The following CSMD1 variants were observed in gnomAD, a reference collection of about 807,000 sequenced individuals.
The protein encoded by CSMD1 is CUB and sushi domain-containing protein 1.
In CSMD1, 213 loss-of-function variants were observed where a neutral mutation model predicts 417.5. The observed-to-expected ratio is 0.51, with a 90% CI of 0.46 to 0.57. The LOEUF (loss-of-function observed/expected upper bound fraction) is 0.57, where lower values mean the gene tolerates loss of function less well. Ranked by LOEUF, CSMD1 falls within the 20% of genes least tolerant of loss-of-function variation. The probability of loss-of-function intolerance (pLI) is 0.00; values close to 1 mark genes in which losing one functional copy is unlikely to be tolerated. For synonymous variants in CSMD1, 2,862 were observed against 1,736.8 expected (o/e 1.65, Z -16.11); for missense variants, 6,923 against 4,529.7 (o/e 1.53, Z -15.17).
chr8:4,866,054 A>G (rs914315443), intron 1 of CSMD1, among the ~76,000 whole-genome samples: 1 of 151,816 alleles, frequency 6.6e-6, no homozygotes, highest in South Asian at 2.1e-4. Flanking sequence ...AGTTTTTGAC[A>G]CCTTAATGGT....
At chr8:3,774,783 G>T (rs993558308) in intron 5 of CSMD1, among the ~76,000 whole-genome samples, 1 of 152,190 alleles carries the variant, frequency 6.6e-6, no homozygotes, top group African/African-American at 2.4e-5. Context: ...GGATGACACA[G>T]TGTCCGTTTT....
chr8:3,302,821 T>C (rs150263477), intron 25 of CSMD1, among the ~76,000 whole-genome samples: 43 of 152,326 alleles, frequency 2.8e-4, no homozygotes, highest in African/African-American at 9.9e-4. Context: ...GTGAGTGGTA[T>C]GGTTGGGAGC....
intron 5 of CSMD1, among the ~76,000 whole-genome samples, chr8:3,873,102 G>A (rs1805590806): frequency 6.6e-6 from 1 of 152,116 alleles, no homozygotes; most frequent in South Asian, 2.1e-4. Flanking sequence ...TACACTCTTG[G>A]TGGGAGTGTA....
At chr8:3,278,475 A>G (rs983560633) in intron 26 of CSMD1, 17 of 152,254 alleles carry the variant, frequency 1.1e-4, no homozygotes, top group African/African-American at 2.9e-4. Flanking sequence ...AATTGAATAA[A>G]TGTCATTTTT....
chr8:4,209,034 TCTC>T (rs1342839092), intron 3 of CSMD1, among the ~76,000 whole-genome samples: 1 of 152,204 alleles, frequency 6.6e-6, no homozygotes, highest in Non-Finnish European at 1.5e-5. Context: ...AATTGTATTC[TCTC>T]CTGTCTCTGA....
At chr8:4,793,829 G>C (rs562793378) in intron 1 of CSMD1, among the ~76,000 whole-genome samples, 2 of 59,966 alleles carry the variant, frequency 3.3e-5, no homozygotes, top group South Asian at 1.7e-3. Flanking sequence ...CACAACCCCA[G>C]AATAGGAAAA....
At chr8:4,280,436 C>G (rs895501631) in intron 3 of CSMD1, among the ~76,000 whole-genome samples, 2 of 152,156 alleles carry the variant, frequency 1.3e-5, no homozygotes, top group Admixed American at 1.3e-4. Context: ...AAATGTGCGA[C>G]CGGATACCAA....
chr8:3,156,982 T>G (rs1418158570), intron 39 of CSMD1, among the ~76,000 whole-genome samples: 6 of 95,552 alleles, frequency 6.3e-5, no homozygotes, highest in Admixed American at 2.3e-4. Context: ...ATTTGTTGTT[T>G]AGACAAAAAA....
intron 1 of CSMD1, among the ~76,000 whole-genome samples, chr8:4,970,556 G>A (rs2117379266): frequency 6.6e-6 from 1 of 151,890 alleles, no homozygotes; most frequent in African/African-American, 2.4e-5. Context: ...GACAACAGGT[G>A]GTATGAACAA....
intron 1 of CSMD1, among the ~76,000 whole-genome samples, chr8:4,891,979 G>A (rs1184828059): frequency 6.6e-6 from 1 of 152,000 alleles, no homozygotes; most frequent in Non-Finnish European, 1.5e-5. Context: ...TCCAAAAGAG[G>A]TAAGACCAAA....
intron 7 of CSMD1, among the ~76,000 whole-genome samples, chr8:3,646,947 A>T (rs1797605399): frequency 6.6e-6 from 1 of 152,164 alleles, no homozygotes; most frequent in African/African-American, 2.4e-5. Context: ...CTCAACAATG[A>T]TGCATCATCC....
intron 2 of CSMD1, among the ~76,000 whole-genome samples, chr8:4,524,294 G>A (rs1796395189): frequency 1.3e-5 from 2 of 151,734 alleles, no homozygotes; most frequent in African/African-American, 4.8e-5. Flanking sequence ...ACAAATATGT[G>A]TTAACAACCT....
rs373802667 is a variant in CSMD1 at position 4,090,379 on chromosome 8, A to G, written c.416-58280T>C. ...TTAAAAATAAATTACAAAGTGTCAG[A>G]TTTTCCACTCTTACTCCTTTTTAAT... On this transcript the variant is annotated intron_variant, in intron 3 of 69. Transcript: ENST00000635120. Among the ~76,000 whole-genome samples the G allele has an allele frequency of 1.1e-4, 16 of 152,290 alleles. No homozygotes were observed. The South Asian group carries it at 2.7e-3, about 26-fold the overall frequency.
chr8:3,332,683 G>C (rs1426910430), intron 23 of CSMD1, among the ~76,000 whole-genome samples: 2 of 151,688 alleles, frequency 1.3e-5, no homozygotes, highest in Non-Finnish European at 2.9e-5. Context: ...GTGCATGTGT[G>C]CGTGCGCACA....
chr8:3,769,827 G>T (rs915603308), intron 5 of CSMD1, among the ~76,000 whole-genome samples: 2 of 152,130 alleles, frequency 1.3e-5, no homozygotes, highest in African/African-American at 4.8e-5. Flanking sequence ...TGTTGAATCA[G>T]CACTTTTATT....
chr8:3,291,905 T>C (rs1803600656), intron 25 of CSMD1, among the ~76,000 whole-genome samples: 1 of 152,130 alleles, frequency 6.6e-6, no homozygotes, highest in Non-Finnish European at 1.5e-5. Flanking sequence ...TCTAGTTCTT[T>C]TAATTGTGAT....
chr8:4,966,662 G>C (rs957553360), intron 1 of CSMD1, among the ~76,000 whole-genome samples: 16 of 152,230 alleles, frequency 1.1e-4, no homozygotes, highest in African/African-American at 3.9e-4. Context: ...TGAAATACAA[G>C]TTAAAATTTA....
At chr8:3,859,739 A>G (rs995740803) in intron 5 of CSMD1, among the ~76,000 whole-genome samples, 1 of 152,144 alleles carries the variant, frequency 6.6e-6, no homozygotes, top group African/African-American at 2.4e-5. Context: ...AAACCCGGGC[A>G]GTCTTCCCTG....
At chr8:4,189,597 T>C (rs1053729748) in intron 3 of CSMD1, among the ~76,000 whole-genome samples, 1 of 152,190 alleles carries the variant, frequency 6.6e-6, no homozygotes, top group African/African-American at 2.4e-5. Flanking sequence ...GTTAGTTGAT[T>C]AGTTTTTGGA....
Sources: gnomAD v4.1 joint callset for allele counts (sites outside exome capture counted in the v4.1 genomes callset) on GRCh38, gnomAD v4.1.1 for gene constraint, MANE v1.5 for transcripts, NCBI Gene and HGNC (gene_info 2026-07-23, HGNC 2026-07-21) for gene names.